CXCL13: variants seen among roughly 807,000 people sequenced by gnomAD.
The protein encoded by CXCL13 is C-X-C motif chemokine ligand 13.
CXCL13 carries 7 observed loss-of-function variants against 12.2 expected under a neutral mutation model. That is an observed-to-expected ratio of 0.57 (90% CI 0.33 to 1.07). The LOEUF (loss-of-function observed/expected upper bound fraction) is 1.07, where lower values mean the gene tolerates loss of function less well. Among genes scored for constraint, CXCL13 ranks in the 50% least tolerant of loss-of-function variants. The pLI, the probability that CXCL13 is intolerant of heterozygous loss-of-function variation, is 0.04. For missense variants in CXCL13, 113 were observed against 127.4 expected, an observed-to-expected ratio of 0.89 and a Z score of 0.55; for synonymous variants, 47 against 42.4, an observed-to-expected ratio of 1.11 and a Z score of -0.42.
chr4:77,590,440 T>C (rs1413974670), intron 1 of CXCL13, among the ~76,000 whole-genome samples: 1 of 152,246 alleles, frequency 6.6e-6, no homozygotes, highest in Non-Finnish European at 1.5e-5. Context: ...CTAATGCAAG[T>C]ATTATTTCTT....
chr4:77,514,042 G>A (rs1444544909), intron 1 of CXCL13, among the ~76,000 whole-genome samples: 7 of 151,996 alleles, frequency 4.6e-5, no homozygotes, highest in South Asian at 2.1e-4. Flanking sequence ...ACCTATGAGC[G>A]AGAATATGTG....
chr4:77,596,363 C>T (rs148133558), intron 1 of CXCL13, among the ~76,000 whole-genome samples: 1 of 152,330 alleles, frequency 6.6e-6, no homozygotes, highest in East Asian at 1.9e-4. Context: ...AACACGTACA[C>T]TGTTGGTGGG....
chr4:77,542,966 A>G (rs1725242926), intron 1 of CXCL13, among the ~76,000 whole-genome samples: 1 of 151,984 alleles, frequency 6.6e-6, no homozygotes, highest in African/African-American at 2.4e-5. Flanking sequence ...GGTATGGTAG[A>G]ATTTGGCCAT....
intron 1 of CXCL13, among the ~76,000 whole-genome samples, chr4:77,524,326 C>T (rs1212561397): frequency 6.6e-6 from 1 of 152,242 alleles, no homozygotes; most frequent in Non-Finnish European, 1.5e-5. Flanking sequence ...CAGCTATCCC[C>T]TGCCTACAGA....
chr4:77,530,173 T>C (rs1361367005), intron 1 of CXCL13, among the ~76,000 whole-genome samples: 3 of 152,328 alleles, frequency 2.0e-5, no homozygotes, highest in African/African-American at 7.2e-5. Flanking sequence ...CTGGATTCAG[T>C]TTGCCAGTAT....
intron 1 of CXCL13, among the ~76,000 whole-genome samples, chr4:77,529,366 G>T (rs1724848612): frequency 6.6e-6 from 1 of 152,098 alleles, no homozygotes; most frequent in Non-Finnish European, 1.5e-5. Flanking sequence ...AAATTACCTT[G>T]GGCAGAATGG....
rs148866046 is a variant in CXCL13 at position 77,597,736 on chromosome 4, C to T, written c.-42-8088C>T. ...GAATGGTGGAAGTGCACAAATGGCT[C>T]TTGGGTGGGCAACAGGATCTGCTCT... On this transcript the variant is annotated intron_variant, in intron 1 of 4. Coordinates refer to the CXCL13 transcript ENST00000286758. Among the ~76,000 whole-genome samples the T allele has an allele frequency of 5.3e-5, 8 of 152,240 alleles. No homozygotes were observed. The East Asian group carries it at 1.5e-3, about 29-fold the overall frequency.
chr4:77,560,341 C>T (rs1167478515), intron 1 of CXCL13, among the ~76,000 whole-genome samples: 1 of 152,200 alleles, frequency 6.6e-6, no homozygotes, highest in Admixed American at 6.5e-5. Flanking sequence ...TTAGTAATGA[C>T]ACTGCAATTG....
chr4:77,557,270 TTTCCTTAG>T (rs1400641418), intron 1 of CXCL13, among the ~76,000 whole-genome samples: 1 of 152,226 alleles, frequency 6.6e-6, no homozygotes, highest in Non-Finnish European at 1.5e-5. Context: ...CTCAGTCTCC[TTTCCTTAG>T]TTCACATTTG....
At chr4:77,568,117 G>A (rs894848480) in intron 1 of CXCL13, among the ~76,000 whole-genome samples, 3 of 152,066 alleles carry the variant, frequency 2.0e-5, no homozygotes, top group African/African-American at 7.2e-5. Context: ...TAACACAAAG[G>A]GACAATGGAG....
chr4:77,514,764 C>T (rs147992136), intron 1 of CXCL13, among the ~76,000 whole-genome samples: 8,952 of 152,188 alleles, frequency 0.059, 831 homozygotes, highest in African/African-American at 0.2. Flanking sequence ...GATGCCTGTT[C>T]ACTCTGATGG....
At chr4:77,574,518 G>C (rs997884972) in intron 1 of CXCL13, among the ~76,000 whole-genome samples, 2 of 151,838 alleles carry the variant, frequency 1.3e-5, no homozygotes, top group African/African-American at 4.9e-5. Context: ...TATACTTTCA[G>C]GGATGGCTAA....
At chr4:77,550,617 C>T (rs934134938) in intron 1 of CXCL13, among the ~76,000 whole-genome samples, 3 of 152,152 alleles carry the variant, frequency 2.0e-5, no homozygotes, top group African/African-American at 7.2e-5. Flanking sequence ...GAGGAGTATT[C>T]TGTAGATGTC....
At chr4:77,528,301 G>C (rs1490617265) in intron 1 of CXCL13, among the ~76,000 whole-genome samples, 6 of 152,310 alleles carry the variant, frequency 3.9e-5, no homozygotes, top group Middle Eastern at 6.8e-3. Context: ...CCAGTAATGG[G>C]ATTGCTGGGT....
intron 1 of CXCL13, among the ~76,000 whole-genome samples, chr4:77,523,748 C>T (rs1724682180): frequency 6.6e-6 from 1 of 152,172 alleles, no homozygotes; most frequent in Non-Finnish European, 1.5e-5. Flanking sequence ...AGCTTTGTTC[C>T]ATTGCTGGCA....
At chr4:77,543,453 T>A (rs1283911374) in intron 1 of CXCL13, among the ~76,000 whole-genome samples, 1 of 152,096 alleles carries the variant, frequency 6.6e-6, no homozygotes, top group Non-Finnish European at 1.5e-5. Flanking sequence ...GTTAGATAGG[T>A]AATTTGAGAT....
At chr4:77,525,033 G>T (rs1026515354) in intron 1 of CXCL13, among the ~76,000 whole-genome samples, 3 of 152,206 alleles carry the variant, frequency 2.0e-5, no homozygotes, top group Non-Finnish European at 4.4e-5. Context: ...AATAAGTGGT[G>T]AATGGATTAG....
At chr4:77,524,426 G>A (rs1466964929) in intron 1 of CXCL13, among the ~76,000 whole-genome samples, 1 of 152,202 alleles carries the variant, frequency 6.6e-6, no homozygotes, top group Admixed American at 6.5e-5. Flanking sequence ...ACCTACTCAA[G>A]CCTCAGCAAT....
intron 1 of CXCL13, among the ~76,000 whole-genome samples, chr4:77,561,921 A>T (rs168539): frequency 6.6e-6 from 1 of 151,936 alleles, no homozygotes; most frequent in African/African-American, 2.4e-5. Flanking sequence ...GGCTGCGCCC[A>T]GTGCTTGTGG....
Sources: allele counts gnomAD v4.1 joint callset (sites outside exome capture counted in the v4.1 genomes callset), GRCh38; gene constraint gnomAD v4.1.1; transcripts MANE v1.5; gene names NCBI Gene and HGNC (gene_info 2026-07-23, HGNC 2026-07-21).